The following MDGA2 variants were observed in gnomAD, a reference collection of about 807,000 sequenced individuals.
MDGA2 encodes the protein MAM domain-containing glycosylphosphatidylinositol anchor protein 2.
A neutral mutation model predicts 117.8 loss-of-function variants in MDGA2; 40 were observed. That is an observed-to-expected ratio of 0.34 (90% CI 0.26 to 0.44). The LOEUF (loss-of-function observed/expected upper bound fraction) is 0.44. MDGA2 is among the 20% of genes least tolerant of loss of function. MDGA2 has a pLI of 1.00. For missense variants in MDGA2, 1,123 were observed against 1,250.6 expected (o/e 0.90, Z 1.54); for synonymous variants, 452 against 439.0 (o/e 1.03, Z -0.37).
chr14:46,874,125 G>A lies in MDGA2; in HGVS notation c.2513C>T (p.Thr838Ile). ...TQDDTDNFDW[T>I]KQSTATRNTK... ...ATTTCTTGTTGCTGTACTTTGCTTT[G>A]TCCAGTCAAAATTATCTGTATCATC... Residue 838 changes from threonine (T) to isoleucine (I), a missense_variant, in exon 13 of 17, where the codon ACA becomes ATA. Physicochemically the swap from Thr to Ile is moderately conservative, Grantham distance 89. Around this residue, in one of 2 missense-constraint regions of MDGA2, gnomAD observed 890 missense variants for 1,050.3 expected, o/e 0.85. Coordinates refer to ENST00000399232, the MANE Select transcript of MDGA2 (RefSeq NM_001113498.3). 1.3e-6 allele frequency: 2 copies of A among 1,545,558 alleles called. No individual in the cohort carries two copies. The highest frequency in any genetic ancestry group is 1.7e-6 in the Non-Finnish European group (2 of 1,146,916).
chr14:47,431,135 A>G (rs147282794), intron 1 of MDGA2, among the ~76,000 whole-genome samples: 3 of 152,192 alleles, frequency 2.0e-5, no homozygotes, highest in Admixed American at 1.3e-4. Context: ...TCATGTACAT[A>G]TGAATATATG....
chr14:47,623,682 A>G (rs1006929619), intron 1 of MDGA2, among the ~76,000 whole-genome samples: 1 of 152,202 alleles, frequency 6.6e-6, no homozygotes, highest in Admixed American at 6.5e-5. Flanking sequence ...ACCAGTATTA[A>G]TATCCTCATT....
At chr14:47,283,962 G>A (rs1888586837) in intron 2 of MDGA2, among the ~76,000 whole-genome samples, 1 of 152,158 alleles carries the variant, frequency 6.6e-6, no homozygotes, top group Admixed American at 6.5e-5. Context: ...GTATAAACGT[G>A]TGAAGACATA....
intron 1 of MDGA2, among the ~76,000 whole-genome samples, chr14:47,316,294 A>G (rs1394492157): frequency 2.0e-5 from 3 of 152,154 alleles, no homozygotes; most frequent in Non-Finnish European, 4.4e-5. Context: ...TTACTAAAAA[A>G]CATTACATTT....
intron 1 of MDGA2, among the ~76,000 whole-genome samples, chr14:47,621,926 CATT>C (rs1401668806): frequency 1.3e-5 from 2 of 152,158 alleles, no homozygotes. Flanking sequence ...AAAACTAATA[CATT>C]ATTACATAGG....
intron 1 of MDGA2, among the ~76,000 whole-genome samples, chr14:47,498,947 T>C (rs956495255): frequency 1.3e-5 from 2 of 152,166 alleles, no homozygotes; most frequent in Admixed American, 1.3e-4. Flanking sequence ...AACTACAGTT[T>C]ATAAATCATG....
chr14:47,540,369 C>G (rs1473399667), intron 1 of MDGA2, among the ~76,000 whole-genome samples: 1 of 151,892 alleles, frequency 6.6e-6, no homozygotes, highest in African/African-American at 2.4e-5. Context: ...CTTTTCCTAA[C>G]TATCCTATTT....
chr14:47,224,283 TGATATA>T (rs3039434), intron 2 of MDGA2, among the ~76,000 whole-genome samples: 9,355 of 134,072 alleles, frequency 0.07, 369 homozygotes, highest in Non-Finnish European at 0.073. Context: ...CAATAGAGTC[TGATATA>T]GATATAGATA....
At chr14:47,490,890 G>A (rs750932067) in intron 1 of MDGA2, among the ~76,000 whole-genome samples, 3 of 151,998 alleles carry the variant, frequency 2.0e-5, no homozygotes, top group Admixed American at 6.6e-5. Flanking sequence ...CCTGGCGTAG[G>A]TATCTCTTTC....
In MDGA2 at chr14:46,920,175, T is replaced by C; in HGVS notation, c.2090-15A>G. The C allele has an allele frequency of 6.2e-7, 1 of 1,603,952 alleles. No homozygotes were observed. Among genetic ancestry groups the C allele is most frequent in the Admixed American group, 1.7e-5 (1 of 58,208 alleles). ...ATAGGCCTTTCCTGAAAACAGAAAG[T>C]GTGCTTAAATTTGAATGATGACATA... On this transcript the variant is annotated splice_polypyrimidine_tract_variant and intron_variant, in intron 9 of 16. Transcript: ENST00000399232.
intron 1 of MDGA2, among the ~76,000 whole-genome samples, chr14:47,658,337 T>C (rs1023130474): frequency 9.9e-5 from 15 of 152,050 alleles, no homozygotes; most frequent in African/African-American, 3.6e-4. Flanking sequence ...CCATCAGCTG[T>C]GACCTGAGAA....
rs551975128 is a variant in MDGA2, at chr14:47,462,524, T to C, written c.281-160974A>G. 2.2e-4 allele frequency among the ~76,000 whole-genome samples: 33 copies of C among 152,324 alleles called. No homozygotes were observed. In the South Asian group the frequency reaches 6.4e-3, roughly 30 times the overall value. ...CATACGGATGTTTCTCCAAACTTCC[T>C]GGATGTTAACAATTGCCTTAGGTAT... On this transcript the variant is annotated intron_variant, in intron 1 of 16. Transcript: ENST00000399232.
chr14:47,032,452 A>C (rs1041044626), intron 8 of MDGA2, among the ~76,000 whole-genome samples: 1 of 151,962 alleles, frequency 6.6e-6, no homozygotes, highest in Admixed American at 6.6e-5. Flanking sequence ...CCAGGTATGG[A>C]GGTGCACACT....
intron 1 of MDGA2, among the ~76,000 whole-genome samples, chr14:47,484,112 A>G (rs535247920): frequency 6.6e-6 from 1 of 152,202 alleles, no homozygotes; most frequent in Non-Finnish European, 1.5e-5. Context: ...GGCTACATGC[A>G]TATTTCTATT....
At chr14:46,981,037 C>T (rs1380711616) in intron 8 of MDGA2, among the ~76,000 whole-genome samples, 1 of 151,998 alleles carries the variant, frequency 6.6e-6, no homozygotes, top group Non-Finnish European at 1.5e-5. Flanking sequence ...TATTATTTGT[C>T]TCTGGATAAC....
At chr14:47,467,450 A>G (rs1308570143) in intron 1 of MDGA2, among the ~76,000 whole-genome samples, 1 of 152,044 alleles carries the variant, frequency 6.6e-6, no homozygotes, top group Non-Finnish European at 1.5e-5. Context: ...GGGGAAGGAG[A>G]CTGTCACCTT....
At chr14:47,391,372 A>T (rs975288822) in intron 1 of MDGA2, among the ~76,000 whole-genome samples, 8 of 152,178 alleles carry the variant, frequency 5.3e-5, no homozygotes, top group Admixed American at 3.3e-4. Context: ...GTTTTTAGGA[A>T]TCAGTTTCTG....
At chr14:47,406,663 G>T (rs769210551) in intron 1 of MDGA2, among the ~76,000 whole-genome samples, 1 of 151,826 alleles carries the variant, frequency 6.6e-6, no homozygotes, top group Non-Finnish European at 1.5e-5. Context: ...CTATTCTTTG[G>T]ACTTAATGGC....
rs114981649 is a variant in MDGA2 at position 46,968,290 on chromosome 14, C to T, written c.1820-10647G>A. 6.0e-3 allele frequency among the ~76,000 whole-genome samples: 912 copies of T among 152,208 alleles called. 2 individuals carry two copies. The highest frequency in any genetic ancestry group is 0.019 in the East Asian group (96 of 5,156). ...AAGCTGCTCCCACTGACAGTGGTTC[C>T]ACCCTCTCCAGAGACAGGCTTACAG... On this transcript the variant is annotated intron_variant, in intron 8 of 16. Transcript: ENST00000399232.
Sources: gnomAD v4.1 joint callset for allele counts (sites outside exome capture counted in the v4.1 genomes callset) on GRCh38, gnomAD v4.1.1 for gene constraint, gnomAD v4.1.1 regional missense constraint, MANE v1.5 for transcripts, NCBI Gene and HGNC (gene_info 2026-07-23, HGNC 2026-07-21) for gene names.